The following HDAC9 variants were observed in gnomAD, a reference collection of about 807,000 sequenced individuals.
HDAC9 encodes the protein MEF-2 interacting transcription repressor (MITR) protein.
In HDAC9, 41 loss-of-function variants were observed where a neutral mutation model predicts 139.4. That is an observed-to-expected ratio of 0.29 (90% CI 0.23 to 0.38). The LOEUF is 0.38. HDAC9 is among the 10% of genes least tolerant of loss of function. HDAC9 has a pLI of 1.00. For synonymous variants in HDAC9, 517 were observed against 476.2 expected (o/e 1.09, Z -1.12); for missense variants, 1,147 against 1,297.0 (o/e 0.88, Z 1.78).
intron 5 of HDAC9, among the ~76,000 whole-genome samples, chr7:18,592,464 A>G (rs1831270772): frequency 6.6e-6 from 1 of 152,126 alleles, no homozygotes; most frequent in Non-Finnish European, 1.5e-5. Context: ...AATAGATAAT[A>G]GTTTCATTTC....
intron 25 of HDAC9, among the ~76,000 whole-genome samples, chr7:18,987,994 T>C (rs1487134616): frequency 1.3e-5 from 2 of 152,212 alleles, no homozygotes; most frequent in African/African-American, 2.4e-5. Context: ...GTCTAGCAAT[T>C]TTGTTGATCC....
At chr7:18,922,122 A>C (rs1803805227) in intron 22 of HDAC9, among the ~76,000 whole-genome samples, 1 of 151,790 alleles carries the variant, frequency 6.6e-6, no homozygotes, top group Admixed American at 6.6e-5. Context: ...AGATATACCT[A>C]ATGCTAAATG....
chr7:18,386,479 C>G (rs1410021475), intron 1 of HDAC9, among the ~76,000 whole-genome samples: 2 of 152,150 alleles, frequency 1.3e-5, no homozygotes, highest in East Asian at 3.8e-4. Context: ...TGTGGCCCCC[C>G]TATGCATGTT....
intron 2 of HDAC9, among the ~76,000 whole-genome samples, chr7:18,203,673 A>G (rs1180447844): frequency 6.6e-6 from 1 of 152,204 alleles, no homozygotes; most frequent in African/African-American, 2.4e-5. Context: ...TGCCAGGAAA[A>G]TAATTAGAAC....
intron 12 of HDAC9, among the ~76,000 whole-genome samples, chr7:18,710,804 G>C (rs1784290838): frequency 6.6e-6 from 1 of 152,178 alleles, no homozygotes; most frequent in South Asian, 2.1e-4. Flanking sequence ...CATGGATAGA[G>C]AAAAAGTTAA....
intron 1 of HDAC9, among the ~76,000 whole-genome samples, chr7:18,419,217 T>C (rs756449719): frequency 6.6e-6 from 1 of 152,234 alleles, no homozygotes; most frequent in Non-Finnish European, 1.5e-5. Context: ...GCCCTCTTTG[T>C]CATGAACATA....
chr7:18,368,358 C>G (rs1447950807), intron 1 of HDAC9, among the ~76,000 whole-genome samples: 1 of 151,830 alleles, frequency 6.6e-6, no homozygotes, highest in African/African-American at 2.4e-5. Flanking sequence ...TTTTTGTTTT[C>G]CATATGGTTA....
Position 18,591,500 on chromosome 7 carries a change from T to C in HDAC9, c.416-16T>C, listed in dbSNP as rs768532251. 46 of 1,558,186 alleles carry C rather than the reference T, an allele frequency of 3.0e-5. 1 individual carries two copies. The East Asian group carries it at 6.5e-4, about 22-fold the overall frequency. On this transcript the variant is annotated splice_polypyrimidine_tract_variant and intron_variant, in intron 4 of 25. Transcript: ENST00000686413. Reference sequence around the variant, plus strand: ...ATGTGTGTGTGTGTGTGTGTGTGTGTGTGTGTGTATTTCAGGGGCAGTGGC... The same window carrying C: ...ATGTGTGTGTGTGTGTGTGTGTGTGCGTGTGTGTATTTCAGGGGCAGTGGC...
chr7:18,407,745 A>G (rs1217705193), intron 1 of HDAC9, among the ~76,000 whole-genome samples: 1 of 152,200 alleles, frequency 6.6e-6, no homozygotes, highest in East Asian at 1.9e-4. Flanking sequence ...TCATATGTCA[A>G]TTAAGACTGC....
At chr7:18,959,541 G>A (rs1284123195) in intron 24 of HDAC9, among the ~76,000 whole-genome samples, 1 of 152,138 alleles carries the variant, frequency 6.6e-6, no homozygotes, top group East Asian at 1.9e-4. Context: ...CCTCTGATAA[G>A]TTGAAAAACA....
intron 2 of HDAC9, among the ~76,000 whole-genome samples, chr7:18,263,271 C>A (rs1288045856): frequency 6.6e-6 from 1 of 152,040 alleles, no homozygotes; most frequent in Non-Finnish European, 1.5e-5. Flanking sequence ...AATAAAACCG[C>A]ATTTTTATGT....
At chr7:18,621,954 C>T (rs1399462533) in intron 6 of HDAC9, among the ~76,000 whole-genome samples, 1 of 152,166 alleles carries the variant, frequency 6.6e-6, no homozygotes, top group East Asian at 1.9e-4. Context: ...TCTACAATGC[C>T]AGCCTGGGTT....
intron 21 of HDAC9, among the ~76,000 whole-genome samples, chr7:18,872,284 C>G (rs141645337): frequency 6.6e-6 from 1 of 152,144 alleles, no homozygotes; most frequent in African/African-American, 2.4e-5. Flanking sequence ...TTTGAAAACC[C>G]ACAGGAAATT....
chr7:18,380,668 T>C (rs1010585256), intron 1 of HDAC9, among the ~76,000 whole-genome samples: 3 of 152,146 alleles, frequency 2.0e-5, no homozygotes, highest in Non-Finnish European at 4.4e-5. Context: ...ACTTGCAAAA[T>C]TGGAATCCAT....
At chr7:18,600,011 G>A (rs984825132) in intron 6 of HDAC9, among the ~76,000 whole-genome samples, 1 of 151,162 alleles carries the variant, frequency 6.6e-6, no homozygotes, top group African/African-American at 2.4e-5. Context: ...TAATACGTAT[G>A]TAGTGGTTTC....
At chr7:18,154,924 A>G (rs1787066029) in intron 1 of HDAC9, among the ~76,000 whole-genome samples, 1 of 152,154 alleles carries the variant, frequency 6.6e-6, no homozygotes, top group Admixed American at 6.5e-5. Flanking sequence ...TCTGCAGGGA[A>G]GGTTATAGCG....
At chr7:18,465,329 T>C (rs1472369060) in intron 1 of HDAC9, among the ~76,000 whole-genome samples, 1 of 152,090 alleles carries the variant, frequency 6.6e-6, no homozygotes, top group African/African-American at 2.4e-5. Flanking sequence ...GTATTTCATC[T>C]ATTATTGATT....
At chr7:18,180,222 CACAT>C (rs199894445) in intron 2 of HDAC9, among the ~76,000 whole-genome samples, 6,933 of 118,586 alleles carry the variant, frequency 0.058, 323 homozygotes, top group African/African-American at 0.15. Flanking sequence ...CTCCCCAAGA[CACAT>C]ACACACACAC....
intron 2 of HDAC9, among the ~76,000 whole-genome samples, chr7:18,171,519 G>A (rs571191206): frequency 9.9e-5 from 15 of 152,248 alleles, no homozygotes; most frequent in African/African-American, 2.4e-4. Context: ...TCCCTGTCTT[G>A]TGCCAGTTTT....
Sources: allele counts gnomAD v4.1 joint callset (sites outside exome capture counted in the v4.1 genomes callset), GRCh38; gene constraint gnomAD v4.1.1; transcripts MANE v1.5; gene names NCBI Gene and HGNC (gene_info 2026-07-23, HGNC 2026-07-21).